PTBP2: variants seen among roughly 807,000 people sequenced by gnomAD.
PTBP2 encodes polypyrimidine tract binding protein 2.
Under a neutral mutation model 61.4 loss-of-function variants are expected in PTBP2, and 13 were observed. That is an observed-to-expected ratio of 0.21 (90% CI 0.14 to 0.34). PTBP2 has a LOEUF of 0.34. Ranked by LOEUF, PTBP2 falls within the 10% of genes least tolerant of loss-of-function variation. The pLI, the probability that PTBP2 is intolerant of heterozygous loss-of-function variation, is 1.00. For synonymous variants in PTBP2, 215 were observed against 218.5 expected (o/e 0.98, Z 0.14); for missense variants, 405 against 642.6 (o/e 0.63, Z 4.00).
chr1:96,780,656 T>C (rs1405486076), intron 7 of PTBP2, among the ~76,000 whole-genome samples: 1 of 151,922 alleles, frequency 6.6e-6, no homozygotes, highest in Non-Finnish European at 1.5e-5. Context: ...TTCCTTGTCT[T>C]GTAACTCCCC....
intron 3 of PTBP2, among the ~76,000 whole-genome samples, chr1:96,762,851 C>G (rs1265481883): frequency 6.6e-6 from 1 of 150,824 alleles, no homozygotes; most frequent in Non-Finnish European, 1.5e-5. Context: ...AGGGACTCCT[C>G]GCTTCTCAGA....
At chr1:96,726,066 C>A in intron 2 of PTBP2, among the ~76,000 whole-genome samples, 1 of 86,822 alleles carries the variant, frequency 1.2e-5, no homozygotes. Context: ...CAGAGACAGA[C>A]TCTATCTCAA....
At chr1:96,737,886 C>CTT (rs973346922) in intron 2 of PTBP2, among the ~76,000 whole-genome samples, 2 of 150,960 alleles carry the variant, frequency 1.3e-5, no homozygotes. Flanking sequence ...AGTAACGTTT[C>CTT]TTTTTTTTTA....
downstream of PTBP2, chr1:96,819,412 T>C (rs1662600918): frequency 6.6e-6 from 1 of 152,004 alleles, no homozygotes; most frequent in Non-Finnish European, 1.5e-5. Flanking sequence ...TGTCATGTCT[T>C]ACTATTTCCT....
chr1:96,781,128 A>T (rs1222106188), intron 7 of PTBP2, among the ~76,000 whole-genome samples: 1 of 152,026 alleles, frequency 6.6e-6, no homozygotes. Flanking sequence ...TTTGACACAG[A>T]CTTCTTATAT....
At chr1:96,757,010 G>T (rs1449421145) in intron 3 of PTBP2, among the ~76,000 whole-genome samples, 1 of 152,084 alleles carries the variant, frequency 6.6e-6, no homozygotes, top group Non-Finnish European at 1.5e-5. Context: ...TAAAGGGGAG[G>T]CTATTTGGGG....
intron 2 of PTBP2, among the ~76,000 whole-genome samples, chr1:96,742,538 A>G (rs989801081): frequency 1.3e-5 from 2 of 152,188 alleles, no homozygotes; most frequent in Non-Finnish European, 2.9e-5. Flanking sequence ...CAAAGAACCA[A>G]CCTTTTTACT....
chr1:96,794,349 A>G (rs1042397104), intron 8 of PTBP2, among the ~76,000 whole-genome samples: 9 of 152,198 alleles, frequency 5.9e-5, no homozygotes, highest in Non-Finnish European at 7.3e-5. Flanking sequence ...GAGTTGACAA[A>G]TATATGTTGT....
rs543874499 is a variant in PTBP2 at position 96,762,629 on chromosome 1, C to T, written c.116-7074C>T. ...CCCAGTAGGGGCGGCCGGGCAGAGGCGCCCCTCACCTCCCGGAAGGGGCGG... is the reference window on the plus strand; with the variant it reads ...CCCAGTAGGGGCGGCCGGGCAGAGGTGCCCCTCACCTCCCGGAAGGGGCGG... On this transcript the variant is annotated intron_variant, in intron 3 of 13. Coordinates refer to ENST00000674951, the MANE Select transcript of PTBP2 (RefSeq NM_021190.4). Among the ~76,000 whole-genome samples the T allele has an allele frequency of 1.8e-4, 27 of 147,598 alleles. No individual in the cohort carries two copies. The South Asian group carries it at 3.0e-3, about 16-fold the overall frequency.
At chr1:96,744,172 C>T (rs1653433299) in intron 2 of PTBP2, among the ~76,000 whole-genome samples, 2 of 151,876 alleles carry the variant, frequency 1.3e-5, no homozygotes, top group African/African-American at 2.4e-5. Context: ...TGCAGCGAGC[C>T]GAGATTGCGC....
At chr1:96,761,884 C>T (rs1051444326) in intron 3 of PTBP2, among the ~76,000 whole-genome samples, 21 of 152,182 alleles carry the variant, frequency 1.4e-4, no homozygotes, top group Non-Finnish European at 1.8e-4. Flanking sequence ...GAGGACCCTG[C>T]GGACTTCCGC....
intron 2 of PTBP2, among the ~76,000 whole-genome samples, chr1:96,725,301 GTTT>G (rs34309895): frequency 1.5e-5 from 2 of 135,848 alleles, no homozygotes; most frequent in Admixed American, 7.5e-5. Context: ...GGTTACACCA[GTTT>G]TTTTTTTTTT....
intron 3 of PTBP2, among the ~76,000 whole-genome samples, chr1:96,767,456 C>T (rs1275529709): frequency 1.3e-5 from 2 of 151,888 alleles, no homozygotes; most frequent in Non-Finnish European, 2.9e-5. Flanking sequence ...TTTTGAGTAT[C>T]CTGATACCAT....
At chr1:96,733,303 T>C (rs1399601974) in intron 2 of PTBP2, among the ~76,000 whole-genome samples, 1 of 150,652 alleles carries the variant, frequency 6.6e-6, no homozygotes, top group African/African-American at 2.5e-5. Flanking sequence ...GTGATTACAA[T>C]GGGCCCAACT....
chr1:96,822,015 T>A, exon 14 of PTBP2: 1 of 152,194 alleles, frequency 6.6e-6, no homozygotes, highest in East Asian at 1.9e-4. Flanking sequence ...TTAGATGCTT[T>A]GGATGAAATA....
chr1:96,814,550 A>G lies in PTBP2; in HGVS notation c.*1145A>G, dbSNP rs1473407120. On this transcript the variant is annotated 3_prime_UTR_variant, in exon 14 of 14. Transcript: ENST00000674951. ...GAATAGATCTGACTTTAATAAAAAC[A>G]TGGCTCAGAATCTACAGGTCAAATT... is the stretch of plus-strand genomic sequence containing the variant. 4 of 152,532 alleles carry G rather than the reference A, an allele frequency of 2.6e-5. No individual in the cohort carries two copies. The East Asian group carries it at 7.7e-4, about 29-fold the overall frequency. The allele number at this position is 152,532 out of a possible 1,614,324, so 9.4% of individuals were successfully genotyped here.
intron 8 of PTBP2, among the ~76,000 whole-genome samples, chr1:96,791,858 GTC>G (rs1659874750): frequency 2.3e-5 from 1 of 44,152 alleles, no homozygotes; most frequent in Non-Finnish European, 3.9e-5. Flanking sequence ...TTGAGATAGA[GTC>G]TGGCTCTGTC....
intron 11 of PTBP2, among the ~76,000 whole-genome samples, chr1:96,810,996 G>A (rs1479775186): frequency 2.6e-5 from 4 of 151,666 alleles, no homozygotes; most frequent in African/African-American, 4.8e-5. Context: ...TAGCCTTGGC[G>A]AAAAATCTGA....
At chr1:96,737,474 CA>C (rs573578610) in intron 2 of PTBP2, among the ~76,000 whole-genome samples, 6 of 146,674 alleles carry the variant, frequency 4.1e-5, no homozygotes, top group Admixed American at 3.4e-4. Context: ...CAAAAGAAGG[CA>C]AAAAAAAAGG....
Sources: allele counts gnomAD v4.1 joint callset (sites outside exome capture counted in the v4.1 genomes callset), GRCh38; gene constraint gnomAD v4.1.1; transcripts MANE v1.5; gene names NCBI Gene and HGNC (gene_info 2026-07-23, HGNC 2026-07-21).